The following GAPDH variants were observed in gnomAD, a reference collection of about 807,000 sequenced individuals.
GAPDH encodes glyceraldehyde-3-phosphate dehydrogenase.
Under a neutral mutation model 31.2 loss-of-function variants are expected in GAPDH, and 13 were observed. The observed-to-expected ratio is 0.42, with a 90% CI of 0.27 to 0.66. GAPDH has a LOEUF of 0.66. GAPDH is among the 30% of genes least tolerant of loss of function. GAPDH has a pLI of 0.26. For missense variants in GAPDH, 300 were observed against 443.7 expected (o/e 0.68, Z 2.91); for synonymous variants, 211 against 166.9 (o/e 1.26, Z -2.04).
intron 1 of GAPDH, 103 bp downstream of exon 1, chr12:6,534,672 G>C: frequency 1.3e-6 from 1 of 785,758 alleles, no homozygotes; most frequent in Non-Finnish European, 2.2e-6. Context: ...GTGGGCCCGG[G>C]CGGCCTCCGC....
chr12:6,534,706 T>C (rs2136066178), intron 1 of GAPDH, 104 bp from the exon 2 acceptor site: 2 of 1,004,884 alleles, frequency 2.0e-6, no homozygotes, highest in Middle Eastern at 3.0e-4. Context: ...GCGGAGGACG[T>C]GATGCGGCGC....
rs750138825 is a variant in GAPDH, at chr12:6,536,839, G to C, written c.236+49G>C. 5.4e-5 allele frequency: 86 copies of C among 1,578,982 alleles called. No individual in the cohort carries two copies. In the Middle Eastern group the frequency reaches 8.3e-4, roughly 15 times the overall value. ...AAATGTGCTTTGGGGAGGCAACTAG[G>C]ATGGTGTGGCTCCCTTGGGTATATG... On this transcript the variant is annotated intron_variant, in intron 4 of 8. Coordinates refer to ENST00000229239, the MANE Select transcript of GAPDH (RefSeq NM_002046.7).
At position 6,536,576 on chromosome 12, in the gene GAPDH, A is replaced by C. The variant is rs1231947020; in HGVS notation, c.112A>C (p.Ile38Leu). The change falls in exon 3 of 9, where the codon ATT (isoleucine) becomes CTT (leucine). Residue 38 changes from isoleucine (I) to leucine (L), a missense_variant. Transcript: ENST00000229239. Reference sequence around the variant, plus strand: ...TATTGTTGCCATCAATGACCCCTTCATTGACCTCAACTACATGGTGAGTGC... The same window carrying C: ...TATTGTTGCCATCAATGACCCCTTCCTTGACCTCAACTACATGGTGAGTGC... ...VDIVAINDPF[I>L]DLNYMVYMFQ... The C allele has an allele frequency of 1.2e-6, 2 of 1,613,820 alleles. No individual in the cohort carries two copies. Among genetic ancestry groups the C allele is most frequent in the Admixed American group, 1.7e-5 (1 of 60,026 alleles).
chr12:6,538,178 GGACCACCAGCCCCA>G lies in GAPDH; in HGVS notation c.*10_*23del. The G allele has an allele frequency of 6.2e-7, 1 of 1,604,318 alleles. No homozygotes were observed. The highest frequency in any genetic ancestry group is 8.5e-7 in the Non-Finnish European group (1 of 1,178,532). On this transcript the variant is annotated 3_prime_UTR_variant, in exon 9 of 9. Transcript: ENST00000229239. ...ATGGCCTCCAAGGAGTAAGACCCCTGGACCACCAGCCCCAGCAAGAGCACAAGAGGAAGAGAGAG... is the reference window on the plus strand; with the variant it reads ...ATGGCCTCCAAGGAGTAAGACCCCTGGCAAGAGCACAAGAGGAAGAGAGAG...
In GAPDH at chr12:6,536,561, A is replaced by G. The variant is rs376494973; in HGVS notation, c.97A>G (p.Ile33Val). 5.6e-6 allele frequency: 9 copies of G among 1,613,870 alleles called. No homozygotes were observed. Among genetic ancestry groups the G allele is most frequent in the African/African-American group, 1.3e-5 (1 of 75,040 alleles). The part of the protein sequence containing the change: ...FNSGKVDIVA[I>V]NDPFIDLNYM... The stretch of plus-strand genomic sequence containing the variant: ...CTCTGGTAAAGTGGATATTGTTGCC[A>G]TCAATGACCCCTTCATTGACCTCAA... The change falls in exon 3 of 9, where the codon ATC becomes GTC. Residue 33 changes from isoleucine (I) to valine (V), a missense_variant. Ile to Val is a conservative substitution (Grantham distance 29). Transcript: ENST00000229239.
In GAPDH at chr12:6,537,134, A is replaced by G. The variant is rs1207725605; in HGVS notation, c.361A>G (p.Ile121Val). 1 of 1,613,886 alleles carries G rather than the reference A, an allele frequency of 6.2e-7. No homozygotes were observed. The highest frequency in any genetic ancestry group is 2.2e-5 in the East Asian group (1 of 44,874). ...GCAGGGGGGAGCCAAAAGGGTCATCATCTCTGCCCCCTCTGCTGATGCCCC... is the reference window on the plus strand; with the variant it reads ...GCAGGGGGGAGCCAAAAGGGTCATCGTCTCTGCCCCCTCTGCTGATGCCCC... ...HLQGGAKRVIISAPSADAPMF... is the reference protein window; with the variant it reads ...HLQGGAKRVIVSAPSADAPMF... Residue 121 changes from isoleucine to valine, a missense_variant, in exon 6 of 9, where the codon ATC becomes GTC. Transcript: ENST00000229239. This position sits in a 1 kb window ranked among gnomAD's most constrained non-coding sequence, Gnocchi z 4.9.
At position 6,537,525 on chromosome 12, in the gene GAPDH, G is replaced by T. The variant is rs1481282133; in HGVS notation, c.526-59G>T. The T allele has an allele frequency of 6.3e-7, 1 of 1,588,154 alleles. No homozygotes were observed. Among genetic ancestry groups the T allele is most frequent in the Non-Finnish European group, 8.6e-7 (1 of 1,165,044 alleles). On this transcript the variant is annotated intron_variant, in intron 7 of 8. Coordinates refer to ENST00000229239, the MANE Select transcript of GAPDH (RefSeq NM_002046.7). The surrounding 1 kb of genome is among the most constrained non-coding windows in gnomAD (Gnocchi z 4.9). ...TTTCCCATAATTTCCTTTCAAGGTG[G>T]GGAGGGAGGTAGAGGGGTGATGTGG...
chr12:6,535,942 A>C (rs1352905047), intron 2 of GAPDH, among the ~76,000 whole-genome samples: 1 of 152,182 alleles, frequency 6.6e-6, no homozygotes. Context: ...AAGGACAGGC[A>C]ACTTGGCAAA....
intron 2 of GAPDH, 26 bp downstream of exon 2, chr12:6,534,887 C>T: frequency 1.2e-6 from 2 of 1,610,966 alleles, no homozygotes; most frequent in East Asian, 2.2e-5. Flanking sequence ...GCTGGGGGGC[C>T]CTGGGCTGCG....
At chr12:6,535,078 T>C (rs1946432223) in intron 2 of GAPDH, 2 of 782,426 alleles carry the variant, frequency 2.6e-6, no homozygotes, top group Non-Finnish European at 3.8e-6. Context: ...GCCCGGAGCC[T>C]CCTTCCCCTA....
In GAPDH at chr12:6,537,923, G is replaced by A. The variant is rs771202486; in HGVS notation, c.865G>A (p.Asp289Asn). 26 of 1,614,014 alleles carry A rather than the reference G, an allele frequency of 1.6e-5. No individual in the cohort carries two copies. The highest frequency in any genetic ancestry group is 6.7e-5 in the Admixed American group (4 of 60,004). ...HQVVSSDFNS[D>N]THSSTFDAGA... ...GGTGGTCTCCTCTGACTTCAACAGC[G>A]ACACCCACTCCTCCACCTTTGACGC... The change falls in exon 8 of 9, where the codon GAC becomes AAC. Residue 289 changes from aspartate to asparagine, a missense_variant. Coordinates refer to ENST00000229239, the MANE Select transcript of GAPDH (RefSeq NM_002046.7). This position sits in a 1 kb window ranked among gnomAD's most constrained non-coding sequence, Gnocchi z 4.9.
chr12:6,536,656 C>G, intron 3 of GAPDH, 28 bp from the exon 4 acceptor site: 2 of 1,603,904 alleles, frequency 1.2e-6, no homozygotes, highest in Non-Finnish European at 1.7e-6. Flanking sequence ...GATGGGCAGC[C>G]CCTTCATACC....
intron 2 of GAPDH, chr12:6,535,556 A>G (rs1060620): frequency 0.25 from 152,281 of 610,906 alleles, 21,377 homozygotes; most frequent in African/African-American, 0.52. Context: ...CCAAGCCGGG[A>G]GAAGCTGAGT....
At chr12:6,535,033 GCGCCCTGTGCAGCTC>G in intron 2 of GAPDH, 172 bp downstream of exon 2, 10 of 854,134 alleles carry the variant, frequency 1.2e-5, no homozygotes, top group Non-Finnish European at 1.8e-5. Context: ...CCAGGCTGTG[GCGCCCTGTGCAGCTC>G]CGCCCTTGCG....
At chr12:6,538,041 C>G (rs1946527172) in intron 8 of GAPDH, 45 bp downstream of exon 8, 1 of 1,597,490 alleles carries the variant, frequency 6.3e-7, no homozygotes, top group Non-Finnish European at 8.5e-7. Context: ...AGTGCAGGGT[C>G]TGGCGCCCTC....
At chr12:6,535,362 C>A in intron 2 of GAPDH, 1 of 991,628 alleles carries the variant, frequency 1.0e-6, no homozygotes, top group Non-Finnish European at 1.2e-6. Context: ...ACTAACCCTG[C>A]GCTCCTGCCT....
Position 6,536,482 on chromosome 12 carries a change from C to G in GAPDH, c.30-12C>G. The G allele has an allele frequency of 3.7e-6, 6 of 1,606,556 alleles. No homozygotes were observed. The highest frequency in any genetic ancestry group is 5.1e-6 in the Non-Finnish European group (6 of 1,173,408). ...CTCCCCTCCTCATGCCTTCTTGCCT[C>G]TTGTCTCTTAGATTTGGTCGTATTG... On this transcript the variant is annotated splice_polypyrimidine_tract_variant and intron_variant, in intron 2 of 8. Transcript: ENST00000229239.
At chr12:6,536,455 G>T in intron 2 of GAPDH, 39 bp from the exon 3 acceptor site, 1 of 1,467,924 alleles carries the variant, frequency 6.8e-7, no homozygotes, top group South Asian at 1.1e-5. Flanking sequence ...TTCTGGAGGA[G>T]CCTCCCCTCC....
intron 2 of GAPDH, among the ~76,000 whole-genome samples, chr12:6,535,751 G>A (rs1049119678): frequency 6.6e-6 from 1 of 152,136 alleles, no homozygotes; most frequent in Non-Finnish European, 1.5e-5. Flanking sequence ...CGGGGAACCT[G>A]CCCTTCTCCC....
Sources: gnomAD v4.1 joint callset for allele counts (sites outside exome capture counted in the v4.1 genomes callset) on GRCh38, gnomAD v4.1.1 for gene constraint, Gnocchi (gnomAD v3.1) non-coding constraint, MANE v1.5 for transcripts, NCBI Gene and HGNC (gene_info 2026-07-23, HGNC 2026-07-21) for gene names.